ARHGAP23: variants seen among roughly 807,000 people sequenced by gnomAD.
ARHGAP23 encodes Rho GTPase activating protein 23.
In ARHGAP23, 34 loss-of-function variants were observed where a neutral mutation model predicts 136.3. That is an observed-to-expected ratio of 0.25 (90% CI 0.19 to 0.33). ARHGAP23 has a LOEUF of 0.33. Among genes scored for constraint, ARHGAP23 ranks in the 10% least tolerant of loss-of-function variants. ARHGAP23 has a pLI of 1.00. For synonymous variants in ARHGAP23, 832 were observed against 920.5 expected (o/e 0.90, Z 1.74); for missense variants, 1,808 against 2,139.0 (o/e 0.85, Z 3.05).
At chr17:38,505,716 G>C (rs1372006234) in intron 23 of ARHGAP23, among the ~76,000 whole-genome samples, 2 of 152,142 alleles carry the variant, frequency 1.3e-5, no homozygotes, top group Non-Finnish European at 2.9e-5. Context: ...ATCACTTGAG[G>C]CCAGGAATTT....
In ARHGAP23 at chr17:38,469,619, G is replaced by A. The variant is rs1389194375; in HGVS notation, c.1900G>A (p.Glu634Lys). Residue 634 changes from glutamate (E) to lysine (K), a missense_variant, in exon 9 of 24, where the codon GAG (glutamate) becomes AAG (lysine). Around this residue, in one of 7 missense-constraint regions of ARHGAP23, gnomAD observed 859 missense variants for 936.4 expected, o/e 0.92. Coordinates refer to ENST00000622683, the MANE Select transcript of ARHGAP23 (RefSeq NM_001199417.2). ...TGATGGACTCAACACCTTCCGCGAC[G>A]AGGGCCGGGTTCTGCGGTGAGGCCC... ...CDDGLNTFRD[E>K]GRVLRRLPNR... 1.9e-6 allele frequency: 3 copies of A among 1,548,656 alleles called. No individual in the cohort carries two copies. Among genetic ancestry groups the A allele is most frequent in the African/African-American group, 2.7e-5 (2 of 72,966 alleles).
chr17:38,441,391 C>T (rs959118610), intron 1 of ARHGAP23, among the ~76,000 whole-genome samples: 2 of 152,118 alleles, frequency 1.3e-5, no homozygotes, highest in African/African-American at 4.8e-5. Context: ...CCTCTGTTGT[C>T]CTCCCCTCCC....
At chr17:38,423,251 G>A (rs1300934965) in intron 1 of ARHGAP23, among the ~76,000 whole-genome samples, 3 of 151,500 alleles carry the variant, frequency 2.0e-5, no homozygotes, top group Non-Finnish European at 4.4e-5. Flanking sequence ...GGAGTGCCGC[G>A]GCATGATCTC....
chr17:38,501,342 C>A (rs2040514881), intron 23 of ARHGAP23, among the ~76,000 whole-genome samples: 1 of 151,996 alleles, frequency 6.6e-6, no homozygotes, highest in Admixed American at 6.6e-5. Context: ...TGCTCTGTCA[C>A]CCAGGCTGGA....
intron 1 of ARHGAP23, chr17:38,453,981 G>A (rs921913983): frequency 1.4e-5 from 2 of 146,046 alleles, no homozygotes; most frequent in African/African-American, 4.9e-5. Flanking sequence ...CCGCGGAGCT[G>A]GTGGGCAGCG....
In ARHGAP23 at chr17:38,482,531, C is replaced by T. The variant is rs185020383; in HGVS notation, c.2760C>T (p.Pro920=). ...CTCCCATGTGTCCCCAGCGCGTCCCCTTAATCGTGGCTGCATGCTGTCGCA... is the reference window on the plus strand; with the variant it reads ...CTCCCATGTGTCCCCAGCGCGTCCCTTTAATCGTGGCTGCATGCTGTCGCA... ...CQPATENQRV[P]LIVAACCRIV... The change falls in exon 16 of 24, where the codon CCC becomes CCT. Residue 920 remains proline, a synonymous_variant. Transcript: ENST00000622683. 1.4e-4 allele frequency: 223 copies of T among 1,546,988 alleles called. 2 individuals are homozygous for T. The highest frequency in any genetic ancestry group is 1.3e-3 in the African/African-American group (92 of 73,106).
chr17:38,455,587 C>T (rs550327584), intron 1 of ARHGAP23, among the ~76,000 whole-genome samples: 1 of 152,306 alleles, frequency 6.6e-6, no homozygotes, highest in African/African-American at 2.4e-5. Flanking sequence ...CCAGCCACTT[C>T]TCGTCACTGG....
chr17:38,504,139 C>T (rs2040578930), intron 23 of ARHGAP23, among the ~76,000 whole-genome samples: 1 of 152,202 alleles, frequency 6.6e-6, no homozygotes, highest in African/African-American at 2.4e-5. Flanking sequence ...TTCTGATCCT[C>T]TGTTCTCAGG....
At chr17:38,476,779 C>T (rs2039901721) in intron 11 of ARHGAP23, among the ~76,000 whole-genome samples, 1 of 152,056 alleles carries the variant, frequency 6.6e-6, no homozygotes, top group South Asian at 2.1e-4. Context: ...TTGGGGGAGG[C>T]TGTCCTGTGC....
At chr17:38,502,878 C>G (rs2040552236) in intron 23 of ARHGAP23, among the ~76,000 whole-genome samples, 1 of 152,026 alleles carries the variant, frequency 6.6e-6, no homozygotes, top group African/African-American at 2.4e-5. Context: ...GACCTCAACT[C>G]TACAAAAAAT....
At position 38,510,598 on chromosome 17, in the gene ARHGAP23, C is replaced by A; in HGVS notation, c.4102C>A (p.Arg1368Ser). The A allele has an allele frequency of 7.8e-7, 1 of 1,285,888 alleles. No individual in the cohort carries two copies. Among genetic ancestry groups the A allele is most frequent in the Non-Finnish European group, 9.8e-7 (1 of 1,020,694 alleles). The allele number at this position is 1,285,888 out of a possible 1,614,324, so 79.7% of individuals were successfully genotyped here. A position where few individuals can be genotyped will look rare whatever the true frequency, so the allele number is the denominator to read the frequency against. The part of the protein sequence containing the change: ...PAAALASRPS[R>S]MEALRLRLRG... The stretch of plus-strand genomic sequence containing the variant: ...GGCGGCGCTGGCCTCCCGGCCCTCG[C>A]GCATGGAGGCGCTGCGTCTAAGGCT... The change falls in exon 24 of 24, where the codon CGC becomes AGC. Residue 1368 changes from arginine to serine, a missense_variant. Around this residue, in one of 7 missense-constraint regions of ARHGAP23, gnomAD observed 506 missense variants for 455.8 expected, o/e 1.11. Coordinates refer to ENST00000622683, the MANE Select transcript of ARHGAP23 (RefSeq NM_001199417.2). The surrounding 1 kb of genome is among the most constrained non-coding windows in gnomAD (Gnocchi z 4.6).
intron 1 of ARHGAP23, among the ~76,000 whole-genome samples, chr17:38,432,337 G>T (rs2038703261): frequency 6.6e-6 from 1 of 152,118 alleles, no homozygotes. Context: ...AGGAGTTTGA[G>T]ACCAGCCTGG....
rs1330932654 is a variant in ARHGAP23, at chr17:38,466,837, C to T, written c.1154C>T (p.Ser385Leu). The change falls in exon 7 of 24, where the codon TCG (serine) becomes TTG (leucine). Residue 385 changes from serine to leucine, a missense_variant. Coordinates refer to ENST00000622683, the MANE Select transcript of ARHGAP23 (RefSeq NM_001199417.2). ...FERCGWASQR[S>L]SARTPACPTR... ...CGGTGTGGCTGGGCTTCCCAGCGTT[C>T]GTCTGCCCGCACCCCCGCCTGCCCA... is the stretch of plus-strand genomic sequence containing the variant. The T allele has an allele frequency of 1.8e-5, 28 of 1,548,492 alleles. No homozygotes were observed. Among genetic ancestry groups the T allele is most frequent in the Middle Eastern group, 1.7e-4 (1 of 6,010 alleles).
chr17:38,483,048 T>C (rs2040082909), intron 16 of ARHGAP23, among the ~76,000 whole-genome samples: 1 of 152,156 alleles, frequency 6.6e-6, no homozygotes, highest in South Asian at 2.1e-4. Flanking sequence ...ACGCGGAAAG[T>C]GTGCCAGGAG....
chr17:38,511,176 G>A lies in ARHGAP23; in HGVS notation c.*204G>A, dbSNP rs2040757875. The A allele has an allele frequency of 3.6e-6, 2 of 560,404 alleles. No individual in the cohort carries two copies. The highest frequency in any genetic ancestry group is 7.1e-5 in the East Asian group (2 of 28,082). 34.7% of individuals were successfully genotyped at this position (560,404 alleles called of 1,614,324 possible). A position where few individuals can be genotyped will look rare whatever the true frequency, so the allele number is the denominator to read the frequency against. On this transcript the variant is annotated 3_prime_UTR_variant, in exon 24 of 24. Coordinates refer to ENST00000622683, the MANE Select transcript of ARHGAP23 (RefSeq NM_001199417.2). ...GGGCCGGACTAATTGAATGGAAGGG[G>A]GTTCCAGAGGTGATGAGCAGAAGAG...
chr17:38,489,478 C>T (rs2040225786), intron 17 of ARHGAP23, among the ~76,000 whole-genome samples: 1 of 151,130 alleles, frequency 6.6e-6, no homozygotes, highest in Non-Finnish European at 1.5e-5. Flanking sequence ...GGCCCGCTTC[C>T]CCCCTTTCTA....
rs1429986685 is a variant in ARHGAP23, at chr17:38,466,938, T to C, written c.1255T>C (p.Tyr419His). 1.9e-6 allele frequency: 3 copies of C among 1,550,520 alleles called. No homozygotes were observed. The Admixed American group carries it at 5.9e-5, about 30-fold the overall frequency. The change falls in exon 7 of 24, where the codon TAC (tyrosine) becomes CAC (histidine). Residue 419 changes from tyrosine (Y) to histidine (H), a missense_variant. Transcript: ENST00000622683. ...CCTGGATGACCTCGGGTACATCGGC[T>C]ACCGGAGCTACAGCCCATCATTCCA... is the stretch of plus-strand genomic sequence containing the variant. ...QGLDDLGYIG[Y>H]RSYSPSFQRR...
chr17:38,424,058 T>C (rs997432538), upstream of ARHGAP23, among the ~76,000 whole-genome samples: 3 of 152,110 alleles, frequency 2.0e-5, no homozygotes, highest in Non-Finnish European at 4.4e-5. Flanking sequence ...GAGAATATAC[T>C]TGTTCTCAAA....
At chr17:38,448,667 A>T (rs1347136175) in intron 1 of ARHGAP23, among the ~76,000 whole-genome samples, 9 of 119,644 alleles carry the variant, frequency 7.5e-5, no homozygotes, top group Non-Finnish European at 6.7e-5. Flanking sequence ...TTTTTTTGAG[A>T]CAGGGTCTTG....
Sources: gnomAD v4.1 joint callset for allele counts (sites outside exome capture counted in the v4.1 genomes callset) on GRCh38, gnomAD v4.1.1 for gene constraint, gnomAD v4.1.1 regional missense constraint, Gnocchi (gnomAD v3.1) non-coding constraint, MANE v1.5 for transcripts, NCBI Gene and HGNC (gene_info 2026-07-23, HGNC 2026-07-21) for gene names.